ATRNL1: variants seen among roughly 807,000 people sequenced by gnomAD.
The protein encoded by ATRNL1 is attractin like 1.
In ATRNL1, 95 loss-of-function variants were observed where a neutral mutation model predicts 182.7. That is an observed-to-expected ratio of 0.52 (90% CI 0.44 to 0.62). The LOEUF is 0.62. Among genes scored for constraint, ATRNL1 ranks in the 20% least tolerant of loss-of-function variants. ATRNL1 has a pLI of 0.00. For synonymous variants in ATRNL1, 576 were observed against 568.3 expected, an observed-to-expected ratio of 1.01 and a Z score of -0.19; for missense variants, 1,471 against 1,679.5, an observed-to-expected ratio of 0.88 and a Z score of 2.17.
intron 26 of ATRNL1, among the ~76,000 whole-genome samples, chr10:115,603,737 C>T (rs1253993908): frequency 3.3e-5 from 5 of 152,136 alleles, no homozygotes; most frequent in African/African-American, 1.2e-4. Flanking sequence ...AATATTTACC[C>T]TATCCATTGC....
rs151166733 is a variant in ATRNL1 at position 115,935,633 on chromosome 10, C to T, written c.4019-9025C>T. Among the ~76,000 whole-genome samples the T allele has an allele frequency of 3.5e-3, 529 of 152,198 alleles. 3 individuals are homozygous for T. The highest frequency in any genetic ancestry group is 0.012 in the African/African-American group (503 of 41,532). ...GCATAAACTAGTCATTTAACCGCTC[C>T]GTGCCTCATTTTGGCCATCTGTGAC... On this transcript the variant is annotated intron_variant, in intron 28 of 28. Transcript: ENST00000355044.
intron 5 of ATRNL1, among the ~76,000 whole-genome samples, chr10:115,132,245 A>G (rs1172168692): frequency 1.8e-4 from 28 of 152,118 alleles, no homozygotes; most frequent in African/African-American, 5.3e-4. Context: ...CCATGTCCCT[A>G]CAAAGGACAT....
chr10:115,531,094 G>T (rs1851553284), intron 25 of ATRNL1, among the ~76,000 whole-genome samples: 1 of 152,010 alleles, frequency 6.6e-6, no homozygotes, highest in Admixed American at 6.6e-5. Context: ...ACATATGTGT[G>T]CATGTGTCTT....
chr10:115,485,585 C>T (rs1297119578), intron 24 of ATRNL1, among the ~76,000 whole-genome samples: 1 of 151,994 alleles, frequency 6.6e-6, no homozygotes, highest in Non-Finnish European at 1.5e-5. Context: ...TAAGTGTATT[C>T]TTCCTATGTG....
chr10:115,224,920 A>C (rs1248358537), intron 9 of ATRNL1, among the ~76,000 whole-genome samples: 1 of 152,142 alleles, frequency 6.6e-6, no homozygotes, highest in Non-Finnish European at 1.5e-5. Flanking sequence ...TGATCACTTT[A>C]CTGGTGAATT....
intron 26 of ATRNL1, among the ~76,000 whole-genome samples, chr10:115,609,299 T>C (rs1857032758): frequency 6.6e-6 from 1 of 152,048 alleles, no homozygotes; most frequent in Non-Finnish European, 1.5e-5. Context: ...GTCAGTGGAG[T>C]AGCCAGGATG....
At position 115,275,950 on chromosome 10, in the gene ATRNL1, G is replaced by T. The variant is rs140418813; in HGVS notation, c.2101-5405G>T. Among the ~76,000 whole-genome samples the T allele has an allele frequency of 8.1e-3, 1,227 of 152,230 alleles. 22 individuals are homozygous for T. Among genetic ancestry groups the T allele is most frequent in the African/African-American group, 0.028 (1,179 of 41,528 alleles). On this transcript the variant is annotated intron_variant, in intron 13 of 28. Transcript: ENST00000355044. ...GAAAGAGCCCTTTCTAACTCTCCAA[G>T]CTATAACATCAAATGTATAATTTCT...
chr10:115,774,654 C>A (rs2134174386), intron 27 of ATRNL1, among the ~76,000 whole-genome samples: 1 of 152,196 alleles, frequency 6.6e-6, no homozygotes, highest in Non-Finnish European at 1.5e-5. Context: ...TATGTTTCAA[C>A]TTTAGTACCG....
At chr10:115,241,501 T>C in intron 9 of ATRNL1, 70 bp from the exon 10 acceptor site, 1 of 1,087,256 alleles carries the variant, frequency 9.2e-7, no homozygotes, top group Non-Finnish European at 1.3e-6. Context: ...GTAGACCCTT[T>C]ATATAACATA....
intron 27 of ATRNL1, among the ~76,000 whole-genome samples, chr10:115,827,294 G>A (rs1174217079): frequency 2.6e-5 from 4 of 152,212 alleles, no homozygotes; most frequent in Admixed American, 2.6e-4. Flanking sequence ...AGCTCAGTCA[G>A]GCCACACCCC....
At chr10:115,220,536 C>T (rs553586344) in intron 9 of ATRNL1, 8 of 152,150 alleles carry the variant, frequency 5.3e-5, no homozygotes, top group African/African-American at 1.9e-4. Context: ...TGAAATGCAG[C>T]TTTCTTTTTG....
intron 28 of ATRNL1, among the ~76,000 whole-genome samples, chr10:115,896,368 A>T (rs1952208228): frequency 1.3e-5 from 2 of 150,308 alleles, no homozygotes; most frequent in African/African-American, 4.8e-5. Context: ...ACTGTTTCAC[A>T]GCATAAAGAA....
intron 26 of ATRNL1, among the ~76,000 whole-genome samples, chr10:115,648,120 C>T (rs1859750472): frequency 6.6e-6 from 1 of 151,880 alleles, no homozygotes; most frequent in South Asian, 2.1e-4. Context: ...GTTCAGGATA[C>T]AAAATCAATG....
At chr10:115,311,189 A>ATTTTT (rs58808060) in intron 17 of ATRNL1, among the ~76,000 whole-genome samples, 58 of 133,786 alleles carry the variant, frequency 4.3e-4, no homozygotes, top group Non-Finnish European at 3.4e-4. Context: ...TATGATTTAG[A>ATTTTT]TTTTTTTTTT....
chr10:115,282,542 A>AT (rs1852418947), intron 14 of ATRNL1, among the ~76,000 whole-genome samples: 1 of 152,076 alleles, frequency 6.6e-6, no homozygotes, highest in African/African-American at 2.4e-5. Context: ...CATTTTTAAA[A>AT]GTAATTTCAT....
At chr10:115,310,039 T>C (rs1329710649) in intron 17 of ATRNL1, among the ~76,000 whole-genome samples, 1 of 152,186 alleles carries the variant, frequency 6.6e-6, no homozygotes, top group African/African-American at 2.4e-5. Flanking sequence ...CTGCCTAGTT[T>C]GTTGAGGGTT....
intron 6 of ATRNL1, among the ~76,000 whole-genome samples, chr10:115,163,514 A>C (rs1268459): frequency 0.35 from 53,429 of 151,486 alleles, 9,809 homozygotes; most frequent in African/African-American, 0.44. Context: ...TAGGCATGCA[A>C]CACTATGCCT....
chr10:115,160,671 T>C (rs1393160078), intron 6 of ATRNL1, among the ~76,000 whole-genome samples: 1 of 151,954 alleles, frequency 6.6e-6, no homozygotes, highest in Non-Finnish European at 1.5e-5. Context: ...AGAGAGATGA[T>C]TGATTTACTG....
chr10:115,229,544 A>T (rs1239237743), intron 9 of ATRNL1, among the ~76,000 whole-genome samples: 6 of 152,094 alleles, frequency 3.9e-5, no homozygotes, highest in Non-Finnish European at 7.4e-5. Flanking sequence ...AGAATTTAAA[A>T]TTTAATTTTA....
Sources: allele counts gnomAD v4.1 joint callset (sites outside exome capture counted in the v4.1 genomes callset), GRCh38; gene constraint gnomAD v4.1.1; transcripts MANE v1.5; gene names NCBI Gene and HGNC (gene_info 2026-07-23, HGNC 2026-07-21).